ZDHHC13: variants seen among roughly 807,000 people sequenced by gnomAD.
The protein encoded by ZDHHC13 is palmitoyltransferase ZDHHC13.
A neutral mutation model predicts 86.0 loss-of-function variants in ZDHHC13; 85 were observed. That is an observed-to-expected ratio of 0.99 (90% CI 0.83 to 1.18). The LOEUF (loss-of-function observed/expected upper bound fraction) is 1.18, where lower values mean the gene tolerates loss of function less well. Among genes scored for constraint, ZDHHC13 ranks in the 50% most tolerant of loss-of-function variants. The pLI is 0.00. For missense variants in ZDHHC13, 711 were observed against 730.2 expected, an observed-to-expected ratio of 0.97 and a Z score of 0.30; for synonymous variants, 263 against 246.4, an observed-to-expected ratio of 1.07 and a Z score of -0.63.
In ZDHHC13 at chr11:19,154,863, C is replaced by T. The variant is rs117745297; in HGVS notation, c.874-933C>T. On this transcript the variant is annotated intron_variant, in intron 8 of 16. Transcript: ENST00000446113. ...AGTGTTTGTTTTGGCTAAGATTCTG[C>T]CCCCTTTCTACCTGCACACAGTCTT... 3.9e-4 allele frequency among the ~76,000 whole-genome samples: 59 copies of T among 152,270 alleles called. 1 individual carries two copies. The East Asian group carries it at 0.01, about 27-fold the overall frequency.
intron 16 of ZDHHC13, among the ~76,000 whole-genome samples, chr11:19,174,036 C>T (rs1049472430): frequency 3.9e-5 from 6 of 152,180 alleles, no homozygotes; most frequent in Non-Finnish European, 7.4e-5. Context: ...GTACAGTAGT[C>T]ACCCTTTCTC....
intron 15 of ZDHHC13, among the ~76,000 whole-genome samples, chr11:19,172,182 C>T (rs1451211732): frequency 6.6e-6 from 1 of 152,170 alleles, no homozygotes; most frequent in Non-Finnish European, 1.5e-5. Flanking sequence ...AAGTGATTCT[C>T]CTGCCTCAGC....
chr11:19,158,755 A>AC, intron 9 of ZDHHC13, among the ~76,000 whole-genome samples, 185 bp from the exon 10 acceptor site: 1 of 152,244 alleles, frequency 6.6e-6, no homozygotes, highest in South Asian at 2.1e-4. Context: ...CCTGTGTAAA[A>AC]TGGGGGGATG....
At chr11:19,142,378 C>T (rs1445407918) in intron 1 of ZDHHC13, among the ~76,000 whole-genome samples, 2 of 152,150 alleles carry the variant, frequency 1.3e-5, no homozygotes, top group African/African-American at 2.4e-5. Context: ...TCTGATATAA[C>T]ATGACCATGG....
At chr11:19,155,967 T>C (rs767675340) in intron 9 of ZDHHC13, 38 bp downstream of exon 9, 6 of 1,565,166 alleles carry the variant, frequency 3.8e-6, no homozygotes, top group Non-Finnish European at 5.2e-6. Flanking sequence ...GTTATTGTGT[T>C]TCTGATTTTA....
At position 19,169,086 on chromosome 11, in the gene ZDHHC13, A is replaced by T. The variant is rs543916656; in HGVS notation, c.1475-1325A>T. On this transcript the variant is annotated intron_variant, in intron 14 of 16. Coordinates refer to ENST00000446113, the MANE Select transcript of ZDHHC13 (RefSeq NM_019028.3). The stretch of plus-strand genomic sequence containing the variant: ...CTTGCTGTTGTATCTTTGATATTAA[A>T]TCTGAAAACCAGTATTCTGAAAACT... 1.3e-5 allele frequency: 13 copies of T among 985,468 alleles called. No homozygotes were observed. In the African/African-American group the frequency reaches 1.4e-4, roughly 11 times the overall value. 61.0% of individuals were successfully genotyped at this position (985,468 alleles called of 1,614,324 possible). A position where few individuals can be genotyped will look rare whatever the true frequency, so the allele number is the denominator to read the frequency against.
At chr11:19,175,570 G>C (rs1194826571) in intron 16 of ZDHHC13, among the ~76,000 whole-genome samples, 1 of 152,014 alleles carries the variant, frequency 6.6e-6, no homozygotes, top group African/African-American at 2.4e-5. Flanking sequence ...CCAAAATGAA[G>C]TGATGATGAA....
intron 16 of ZDHHC13, 56 bp from the exon 17 acceptor site, chr11:19,175,766 G>A: frequency 1.3e-6 from 2 of 1,584,840 alleles, no homozygotes. Flanking sequence ...ATAAATGTTT[G>A]TCAAGCTACA....
intron 1 of ZDHHC13, among the ~76,000 whole-genome samples, chr11:19,129,716 T>G (rs1009037067): frequency 3.3e-5 from 5 of 152,152 alleles, no homozygotes; most frequent in African/African-American, 1.2e-4. Context: ...TTTGTATCTG[T>G]GTTCATGAGG....
intron 14 of ZDHHC13, chr11:19,170,106 C>T (rs1162758234): frequency 3.5e-6 from 4 of 1,157,842 alleles, no homozygotes; most frequent in Non-Finnish European, 4.2e-6. Flanking sequence ...AAATAATTAA[C>T]TTCAGGCTAG....
At position 19,165,087 on chromosome 11, in the gene ZDHHC13, A is replaced by G. The variant is rs1188795430; in HGVS notation, c.1332A>G (p.Val444=). ...RKPLRSLHCH[V]CNCCVARYDQ... The stretch of plus-strand genomic sequence containing the variant: ...CATTAAGGTCACTCCACTGCCATGT[A>G]TGCAACTGCTGTGTGGCTCGATATG... Residue 444 remains valine, a synonymous_variant, in exon 13 of 17, where the codon GTA becomes GTG. Coordinates refer to ENST00000446113, the MANE Select transcript of ZDHHC13 (RefSeq NM_019028.3). The G allele has an allele frequency of 1.7e-5, 28 of 1,613,010 alleles. No individual in the cohort carries two copies. The Admixed American group carries it at 2.2e-4, about 13-fold the overall frequency.
At chr11:19,173,025 T>G (rs1273843509) in intron 16 of ZDHHC13, among the ~76,000 whole-genome samples, 1 of 152,140 alleles carries the variant, frequency 6.6e-6, no homozygotes, top group African/African-American at 2.4e-5. Context: ...CGAGAGTTAG[T>G]TTACTGGACA....
chr11:19,141,626 A>G (rs1184914695), intron 1 of ZDHHC13, among the ~76,000 whole-genome samples: 1 of 151,574 alleles, frequency 6.6e-6, no homozygotes, highest in Admixed American at 6.6e-5. Context: ...GAGAAATAAA[A>G]TGTATTCATA....
At position 19,146,166 on chromosome 11, in the gene ZDHHC13, T is replaced by G; in HGVS notation, c.174-15T>G. 1 of 1,552,136 alleles carries G rather than the reference T, an allele frequency of 6.4e-7. No individual in the cohort carries two copies. The highest frequency in any genetic ancestry group is 8.7e-7 in the Non-Finnish European group (1 of 1,152,274). On this transcript the variant is annotated splice_polypyrimidine_tract_variant and intron_variant, in intron 2 of 16. Coordinates refer to ENST00000446113, the MANE Select transcript of ZDHHC13 (RefSeq NM_019028.3). ...TTTAATTGTATCAATTATGCTTTTTTTTTTCTTCTTTGAGATACGGAATTT... is the reference window on the plus strand; with the variant it reads ...TTTAATTGTATCAATTATGCTTTTTGTTTTCTTCTTTGAGATACGGAATTT...
Position 19,170,400 on chromosome 11 carries a change from TG to T in ZDHHC13, c.1475-10del. ...CTTTTTTTTTTTTTTTTTTTTTTGG[TG>T]AATTCACAGATTTGTCCAGTCATTG... On this transcript the variant is annotated splice_polypyrimidine_tract_variant and intron_variant, in intron 14 of 16. Transcript: ENST00000446113. 1 of 1,423,284 alleles carries T rather than the reference TG, an allele frequency of 7.0e-7. No homozygotes were observed. The highest frequency in any genetic ancestry group is 1.4e-5 in the South Asian group (1 of 73,268). 88.2% of individuals were successfully genotyped at this position (1,423,284 alleles called of 1,614,324 possible).
intron 3 of ZDHHC13, among the ~76,000 whole-genome samples, 193 bp from the exon 4 acceptor site, chr11:19,147,403 A>G (rs1202992670): frequency 6.6e-6 from 1 of 152,126 alleles, no homozygotes; most frequent in Non-Finnish European, 1.5e-5. Context: ...CATCCTAAGG[A>G]TGTTTCATCA....
chr11:19,172,267 T>A (rs1414635289), intron 15 of ZDHHC13, among the ~76,000 whole-genome samples: 1 of 152,082 alleles, frequency 6.6e-6, no homozygotes, highest in Non-Finnish European at 1.5e-5. Flanking sequence ...GAGACGGGGT[T>A]TCACCACGTT....
chr11:19,137,291 G>A (rs1422595849), intron 1 of ZDHHC13, among the ~76,000 whole-genome samples: 41 of 151,850 alleles, frequency 2.7e-4, no homozygotes, highest in Admixed American at 8.5e-4. Context: ...AACAGACTTT[G>A]AACCAACAAA....
intron 10 of ZDHHC13, among the ~76,000 whole-genome samples, chr11:19,162,494 G>A (rs529077883): frequency 6.6e-6 from 1 of 152,154 alleles, no homozygotes; most frequent in South Asian, 2.1e-4. Context: ...GTTAAGACTT[G>A]GATACCCTAA....
Sources: gnomAD v4.1 joint callset for allele counts (sites outside exome capture counted in the v4.1 genomes callset) on GRCh38, gnomAD v4.1.1 for gene constraint, MANE v1.5 for transcripts, NCBI Gene and HGNC (gene_info 2026-07-23, HGNC 2026-07-21) for gene names.